Variants in CHD9 observed in about 807,000 individuals in gnomAD.
CHD9 encodes the protein chromodomain helicase DNA binding protein 9.
In CHD9, 77 loss-of-function variants were observed where a neutral mutation model predicts 316.1. That is an observed-to-expected ratio of 0.24 (90% CI 0.20 to 0.29). The LOEUF (loss-of-function observed/expected upper bound fraction) is 0.29, where lower values mean the gene tolerates loss of function less well. Among genes scored for constraint, CHD9 ranks in the 10% least tolerant of loss-of-function variants. CHD9 has a pLI of 1.00. For synonymous variants in CHD9, 1,129 were observed against 1,158.3 expected (o/e 0.97, Z 0.51); for missense variants, 2,763 against 3,438.1 (o/e 0.80, Z 4.91).
At chr16:53,100,571 G>A (rs572558776) in intron 1 of CHD9, among the ~76,000 whole-genome samples, 2 of 150,042 alleles carry the variant, frequency 1.3e-5, no homozygotes, top group African/African-American at 2.4e-5. Context: ...TGATCCTCCC[G>A]CCTCAGCCTC....
At chr16:53,134,111 GAATT>G (rs773634717) in intron 1 of CHD9, among the ~76,000 whole-genome samples, 1 of 152,104 alleles carries the variant, frequency 6.6e-6, no homozygotes, top group African/African-American at 2.4e-5. Flanking sequence ...GAAAAACTAT[GAATT>G]AATCTACTGG....
chr16:53,120,741 A>T (rs2038686525), intron 1 of CHD9, among the ~76,000 whole-genome samples: 2 of 152,246 alleles, frequency 1.3e-5, no homozygotes, highest in Non-Finnish European at 2.9e-5. Flanking sequence ...GCAGTGGCTC[A>T]CGCCTGTAAT....
At chr16:53,098,007 C>T (rs1266531833) in intron 1 of CHD9, among the ~76,000 whole-genome samples, 1 of 151,946 alleles carries the variant, frequency 6.6e-6, no homozygotes, top group Non-Finnish European at 1.5e-5. Context: ...GTAATCCCAG[C>T]TACTCAGGAG....
chr16:53,061,133 G>A (rs1196423441), intron 1 of CHD9, among the ~76,000 whole-genome samples: 2 of 151,944 alleles, frequency 1.3e-5, no homozygotes, highest in Non-Finnish European at 1.5e-5. Context: ...CGCCATGTTG[G>A]CCAGGCTGGT....
At chr16:53,248,484 TA>T (rs1266395833) in intron 16 of CHD9, among the ~76,000 whole-genome samples, 5 of 151,486 alleles carry the variant, frequency 3.3e-5, no homozygotes, top group Non-Finnish European at 7.4e-5. Context: ...TTTTTTATTT[TA>T]TTTTTTTTTG....
chr16:53,091,975 C>T (rs1276427347), intron 1 of CHD9, among the ~76,000 whole-genome samples: 2 of 152,184 alleles, frequency 1.3e-5, no homozygotes, highest in African/African-American at 4.8e-5. Flanking sequence ...CCGAGAGCAG[C>T]GATTCCTCTT....
intron 19 of CHD9, among the ~76,000 whole-genome samples, chr16:53,262,329 A>T (rs2051219476): frequency 6.6e-6 from 1 of 152,152 alleles, no homozygotes; most frequent in Admixed American, 6.5e-5. Flanking sequence ...TTATCTTTAG[A>T]GTTTCTTCCA....
chr16:53,058,287 A>G (rs2032415213), intron 1 of CHD9, among the ~76,000 whole-genome samples: 1 of 151,906 alleles, frequency 6.6e-6, no homozygotes. Flanking sequence ...CGCCCAGCTA[A>G]TTTTTGTATT....
intron 1 of CHD9, among the ~76,000 whole-genome samples, chr16:53,128,496 T>C (rs2039075613): frequency 6.6e-6 from 1 of 152,124 alleles, no homozygotes; most frequent in South Asian, 2.1e-4. Context: ...ATGGAGACAT[T>C]CTTACTCTGG....
intron 2 of CHD9, among the ~76,000 whole-genome samples, chr16:53,158,612 T>G (rs1340857258): frequency 6.6e-6 from 1 of 152,194 alleles, no homozygotes; most frequent in Non-Finnish European, 1.5e-5. Context: ...AGCATATAGT[T>G]AGAAATTAAT....
In CHD9 at chr16:53,285,611, G is replaced by T; in HGVS notation, c.4983G>T (p.Trp1661Cys). The T allele has an allele frequency of 6.3e-7, 1 of 1,596,746 alleles. No individual in the cohort carries two copies. Among genetic ancestry groups the T allele is most frequent in the Non-Finnish European group, 8.5e-7 (1 of 1,170,008 alleles). ...TTTTTTAAAGTGACATTGATGTTTG[G>T]GTACCAGAACCAGACCACTCAGAAG... ...DGVDASDIDV[W>C]VPEPDHSEVP... The change falls in exon 25 of 39, where the codon TGG (tryptophan) becomes TGT (cysteine). Residue 1661 changes from tryptophan to cysteine, a missense_variant. Physicochemically the swap from Trp to Cys is radical, Grantham distance 215 (BLOSUM62 -2). Coordinates refer to ENST00000447540, the MANE Select transcript of CHD9 (RefSeq NM_001308319.2).
Position 53,267,510 on chromosome 16 carries a change from G to A in CHD9, c.4517+20G>A, listed in dbSNP as rs1369474368. ...TTATGGGTAAAACATTGTTTTTAATGTTTGCTCTAAGTAGTCTGGTATGTA... is the reference window on the plus strand; with the variant it reads ...TTATGGGTAAAACATTGTTTTTAATATTTGCTCTAAGTAGTCTGGTATGTA... On this transcript the variant is annotated intron_variant, in intron 21 of 38. Transcript: ENST00000447540. The A allele has an allele frequency of 6.4e-7, 1 of 1,550,656 alleles. No homozygotes were observed. The highest frequency in any genetic ancestry group is 1.4e-5 in the African/African-American group (1 of 72,602).
intron 2 of CHD9, among the ~76,000 whole-genome samples, chr16:53,194,227 T>TA (rs78058461): frequency 0.012 from 1,634 of 136,858 alleles, 20 homozygotes; most frequent in Admixed American, 0.018. Context: ...CCCTGCCTCT[T>TA]AAAAAAAAAA....
chr16:53,253,103 G>A (rs1021156553), intron 17 of CHD9, among the ~76,000 whole-genome samples: 1 of 152,094 alleles, frequency 6.6e-6, no homozygotes, highest in Admixed American at 6.6e-5. Context: ...GGACACACAT[G>A]TTTATAGTGG....
chr16:53,200,492 T>A (rs570615304), intron 2 of CHD9, among the ~76,000 whole-genome samples: 3 of 151,902 alleles, frequency 2.0e-5, no homozygotes, highest in East Asian at 1.9e-4. Context: ...GAGGTTGTAG[T>A]GAGCCAAGAT....
intron 2 of CHD9, among the ~76,000 whole-genome samples, chr16:53,162,458 T>A (rs1171458775): frequency 1.3e-5 from 2 of 152,188 alleles, no homozygotes; most frequent in African/African-American, 4.8e-5. Context: ...TATAGCAGAA[T>A]CTTTAGTTTT....
intron 1 of CHD9, among the ~76,000 whole-genome samples, chr16:53,113,769 T>C (rs1567338215): frequency 6.6e-6 from 1 of 152,114 alleles, no homozygotes; most frequent in Non-Finnish European, 1.5e-5. Context: ...GGCACGATTG[T>C]AGCTCACTGC....
At chr16:53,210,029 G>A (rs1023963748) in intron 3 of CHD9, among the ~76,000 whole-genome samples, 1 of 151,990 alleles carries the variant, frequency 6.6e-6, no homozygotes, top group Non-Finnish European at 1.5e-5. Context: ...GTAGCTTTTT[G>A]TATGTTAATA....
rs768806714 is a variant in CHD9 at position 53,231,664 on chromosome 16, A to G, written c.2391A>G (p.Leu797=). 71 of 1,590,296 alleles carry G rather than the reference A, an allele frequency of 4.5e-5. No homozygotes were observed. Among genetic ancestry groups the G allele is most frequent in the Non-Finnish European group, 5.8e-5 (68 of 1,169,398 alleles). Residue 797 remains leucine (L), a synonymous_variant, in exon 10 of 39, where the codon TTA becomes TTG. Transcript: ENST00000447540. ...KDTGEPVIYY[L]VKWCSLPYED... ...TTTTACAGCCTGTTATTTACTACTT[A>G]GTAAAATGGTGCTCATTGCCATATG...
Sources: gnomAD v4.1 joint callset for allele counts (sites outside exome capture counted in the v4.1 genomes callset) on GRCh38, gnomAD v4.1.1 for gene constraint, MANE v1.5 for transcripts, NCBI Gene and HGNC (gene_info 2026-07-23, HGNC 2026-07-21) for gene names.